Variants in KIAA0513 observed in about 807,000 individuals in gnomAD.
KIAA0513 encodes the protein uncharacterized protein KIAA0513.
In KIAA0513, 39 loss-of-function variants were observed where a neutral mutation model predicts 56.5. That is an observed-to-expected ratio of 0.69 (90% confidence interval 0.53 to 0.90). The LOEUF (loss-of-function observed/expected upper bound fraction) is 0.90. KIAA0513 is among the 40% of genes least tolerant of loss of function. The pLI, the probability that KIAA0513 is intolerant of heterozygous loss-of-function variation, is 0.00. For synonymous variants in KIAA0513, 268 were observed against 215.6 expected (o/e 1.24, Z -2.13); for missense variants, 591 against 535.2 (o/e 1.10, Z -1.03).
chr16:85,081,241 C>T lies in KIAA0513; in HGVS notation c.903-74C>T, dbSNP rs1054288975. ...GATGTGAGACACTGCCCTTGTTTAT[C>T]CCTCAAGGGGCCCACAACCCGTGTC... On this transcript the variant is annotated intron_variant, in intron 8 of 12. Transcript: ENST00000683363. This position sits in a 1 kb window ranked among gnomAD's most constrained non-coding sequence, Gnocchi z 4.4. 13 of 1,322,172 alleles carry T rather than the reference C, an allele frequency of 9.8e-6. No individual in the cohort carries two copies. The African/African-American group carries it at 1.6e-4, about 16-fold the overall frequency. The allele number at this position is 1,322,172 out of a possible 1,614,324, so 81.9% of individuals were successfully genotyped here.
chr16:85,042,990 G>A (rs1357835763), intron 1 of KIAA0513, among the ~76,000 whole-genome samples: 1 of 152,118 alleles, frequency 6.6e-6, no homozygotes, highest in Non-Finnish European at 1.5e-5. Flanking sequence ...CTTCTCTAAC[G>A]GGTGGAATAA....
intron 4 of KIAA0513, among the ~76,000 whole-genome samples, chr16:85,073,898 C>G (rs547420038): frequency 1.6e-4 from 25 of 152,296 alleles, no homozygotes; most frequent in African/African-American, 6.0e-4. Context: ...AAAAATATCC[C>G]TCCTTTACTT....
intron 2 of KIAA0513, among the ~76,000 whole-genome samples, chr16:85,070,121 T>G (rs1035415404): frequency 2.7e-5 from 4 of 148,954 alleles, no homozygotes; most frequent in Non-Finnish European, 4.4e-5. Flanking sequence ...CAGTGAACCG[T>G]GATCGGACTA....
intron 1 of KIAA0513, among the ~76,000 whole-genome samples, chr16:85,050,676 A>G (rs2073240739): frequency 6.6e-6 from 1 of 151,912 alleles, no homozygotes; most frequent in Non-Finnish European, 1.5e-5. Flanking sequence ...CTGGGGGCTG[A>G]CTCACCCCTT....
chr16:85,028,765 C>T (rs1166352904), intron 1 of KIAA0513, among the ~76,000 whole-genome samples: 2 of 152,120 alleles, frequency 1.3e-5, no homozygotes, highest in Non-Finnish European at 2.9e-5. Flanking sequence ...AGGCATGAGT[C>T]CCAGCCTCCA....
chr16:85,034,646 A>G (rs1409327572), intron 1 of KIAA0513, among the ~76,000 whole-genome samples: 1 of 152,202 alleles, frequency 6.6e-6, no homozygotes, highest in Admixed American at 6.5e-5. Context: ...CTGAGGTATA[A>G]AAATAGTGTG....
chr16:85,088,021 G>T (rs1260810050), intron 12 of KIAA0513, among the ~76,000 whole-genome samples: 1 of 152,240 alleles, frequency 6.6e-6, no homozygotes, highest in East Asian at 1.9e-4. Context: ...TCCCAGTTTT[G>T]AGGGCTGCTT....
chr16:85,060,091 G>C (rs765144604), intron 1 of KIAA0513, among the ~76,000 whole-genome samples: 83 of 152,168 alleles, frequency 5.5e-4, no homozygotes, highest in Non-Finnish European at 1.1e-3. Flanking sequence ...CTCCCGAGTA[G>C]CTAGGATTAC....
At chr16:85,046,319 C>T (rs1567524845) in intron 1 of KIAA0513, among the ~76,000 whole-genome samples, 1 of 152,232 alleles carries the variant, frequency 6.6e-6, no homozygotes, top group Non-Finnish European at 1.5e-5. Flanking sequence ...GTGCTTTCTA[C>T]ATGCCCATGA....
intron 11 of KIAA0513, 34 bp from the exon 12 acceptor site, chr16:85,087,038 C>A (rs770379753): frequency 6.2e-7 from 1 of 1,600,778 alleles, no homozygotes; most frequent in Non-Finnish European, 8.6e-7. Flanking sequence ...CCCTGGGAGG[C>A]CAGCGGGTGA....
At chr16:85,073,948 G>GTT (rs3030092) in intron 4 of KIAA0513, among the ~76,000 whole-genome samples, 1 of 151,330 alleles carries the variant, frequency 6.6e-6, no homozygotes, top group Non-Finnish European at 1.5e-5. Context: ...CTCTTGTGTC[G>GTT]TTTTTTTTGT....
chr16:85,075,865 T>C lies in KIAA0513; in HGVS notation c.525T>C (p.Phe175=). Residue 175 remains phenylalanine (F), a synonymous_variant, in exon 5 of 13, where the codon TTT becomes TTC. Coordinates refer to ENST00000683363, the MANE Select transcript of KIAA0513 (RefSeq NM_001388359.1). ...VLFECHQMDD[F]GPAKNLMTMC... is the part of the protein sequence containing the mutation. Reference sequence around the variant, plus strand: ...TCAGGTGTCATCAGATGGATGACTTTGGGCCTGCCAAGAACCTCATGACCA... The same window carrying C: ...TCAGGTGTCATCAGATGGATGACTTCGGGCCTGCCAAGAACCTCATGACCA... The C allele has an allele frequency of 6.2e-7, 1 of 1,614,202 alleles. No homozygotes were observed. Among genetic ancestry groups the C allele is most frequent in the Non-Finnish European group, 8.5e-7 (1 of 1,180,018 alleles).
chr16:85,086,640 G>T lies in KIAA0513; in HGVS notation c.1011-4G>T. 6.2e-7 allele frequency: 1 copy of T among 1,613,620 alleles called. No homozygotes were observed. The highest frequency in any genetic ancestry group is 8.5e-7 in the Non-Finnish European group (1 of 1,179,888). The stretch of plus-strand genomic sequence containing the variant: ...CCCGCTTCTGTCACCTCCTGTGCTT[G>T]CAGGGAGAAGTGGTGCCACATGACC... On this transcript the variant is annotated splice_polypyrimidine_tract_variant and splice_region_variant and intron_variant, in intron 10 of 12. Transcript: ENST00000683363.
rs137897713 is a variant in KIAA0513 at position 85,047,948 on chromosome 16, C to G, written c.-172-18952C>G. On this transcript the variant is annotated intron_variant, in intron 1 of 12. Coordinates refer to ENST00000683363, the MANE Select transcript of KIAA0513 (RefSeq NM_001388359.1). Reference sequence around the variant, plus strand: ...TAGCTCCTTTGTGTGCCTGTCTAGCCTTTTAGCCACATTCAGTGGGCAGGG... The same window carrying G: ...TAGCTCCTTTGTGTGCCTGTCTAGCGTTTTAGCCACATTCAGTGGGCAGGG... 1.6e-3 allele frequency among the ~76,000 whole-genome samples: 244 copies of G among 152,294 alleles called. 1 individual carries two copies. Among genetic ancestry groups the G allele is most frequent in the African/African-American group, 5.1e-3 (213 of 41,562 alleles).
At chr16:85,080,734 A>G (rs560053800) in intron 8 of KIAA0513, among the ~76,000 whole-genome samples, 1 of 152,398 alleles carries the variant, frequency 6.6e-6, no homozygotes, top group African/African-American at 2.4e-5. Flanking sequence ...CAGAGGTTGC[A>G]GTGAGCCGAG....
rs1185252438 is a variant in KIAA0513 at position 85,056,088 on chromosome 16, C to T, written c.-172-10812C>T. Among the ~76,000 whole-genome samples, 4 of 152,244 alleles carry T rather than the reference C, an allele frequency of 2.6e-5. No homozygotes were observed. The East Asian group carries it at 5.8e-4, about 22-fold the overall frequency. On this transcript the variant is annotated intron_variant, in intron 1 of 12. Transcript: ENST00000683363. Reference sequence around the variant, plus strand: ...GCCCAGACCCCCCTGAAAGCCACAGCCAGCAGTTTCTCCTGTCCATGTGAG... The same window carrying T: ...GCCCAGACCCCCCTGAAAGCCACAGTCAGCAGTTTCTCCTGTCCATGTGAG...
chr16:85,057,689 A>C (rs1218369086), intron 1 of KIAA0513, among the ~76,000 whole-genome samples: 2 of 151,976 alleles, frequency 1.3e-5, no homozygotes, highest in African/African-American at 4.8e-5. Context: ...ACGAGGAGGC[A>C]GTCAGCCAGA....
At chr16:85,047,405 C>A (rs1030831395) in intron 1 of KIAA0513, among the ~76,000 whole-genome samples, 2 of 152,228 alleles carry the variant, frequency 1.3e-5, no homozygotes, top group Non-Finnish European at 2.9e-5. Flanking sequence ...CTATCTTCAC[C>A]CCTTCAGCCA....
Position 85,081,165 on chromosome 16 carries a change from A to T in KIAA0513, c.903-150A>T, listed in dbSNP as rs2326467. On this transcript the variant is annotated intron_variant, in intron 8 of 12. Transcript: ENST00000683363. This position sits in a 1 kb window ranked among gnomAD's most constrained non-coding sequence, Gnocchi z 4.4. ...TGTAATTAGATCAAGCCATATGCTCAGTTTTTCCTTCTCAGCCCTACCTCT... is the reference window on the plus strand; with the variant it reads ...TGTAATTAGATCAAGCCATATGCTCTGTTTTTCCTTCTCAGCCCTACCTCT... 15,269 of 693,688 alleles carry T rather than the reference A, an allele frequency of 0.022. 263 individuals are homozygous for T. Among genetic ancestry groups the T allele is most frequent in the African/African-American group, 0.056 (3,165 of 56,614 alleles). 43.0% of individuals were successfully genotyped at this position (693,688 alleles called of 1,614,324 possible). A position where few individuals can be genotyped will look rare whatever the true frequency, so the allele number is the denominator to read the frequency against.
Sources: allele counts gnomAD v4.1 joint callset (sites outside exome capture counted in the v4.1 genomes callset), GRCh38; gene constraint gnomAD v4.1.1; non-coding constraint Gnocchi (gnomAD v3.1); transcripts MANE v1.5; gene names NCBI Gene and HGNC (gene_info 2026-07-23, HGNC 2026-07-21).